The following RTN4 variants were observed in gnomAD, a reference collection of about 807,000 sequenced individuals.
The protein encoded by RTN4 is reticulon 4, also known as reticulon-4.
A neutral mutation model predicts 90.4 loss-of-function variants in RTN4; 32 were observed. The observed-to-expected ratio is 0.35, with a 90% CI of 0.27 to 0.48. The LOEUF is 0.48. Among genes scored for constraint, RTN4 ranks in the 20% least tolerant of loss-of-function variants. RTN4 has a pLI of 0.99. For synonymous variants in RTN4, 629 were observed against 552.5 expected (o/e 1.14, Z -1.94); for missense variants, 1,706 against 1,430.2 (o/e 1.19, Z -3.11).
At chr2:55,086,606 GC>G (rs1366977548) in intron 1 of RTN4, among the ~76,000 whole-genome samples, 1 of 151,974 alleles carries the variant, frequency 6.6e-6, no homozygotes, top group African/African-American at 2.4e-5. Flanking sequence ...CGATTTCGAG[GC>G]TGCAGTGAGC....
intron 1 of RTN4, among the ~76,000 whole-genome samples, chr2:55,091,841 GAGAAAA>G: frequency 3.8e-5 from 1 of 26,368 alleles, no homozygotes; most frequent in East Asian, 1.5e-3. Context: ...GCAGCGGCAA[GAGAAAA>G]ATAAAAAAGA....
rs901265710 is a variant in RTN4, at chr2:54,987,090, A to G, written c.3221+401T>C. 2.6e-5 allele frequency among the ~76,000 whole-genome samples: 4 copies of G among 152,220 alleles called. 1 individual carries two copies. The highest frequency in any genetic ancestry group is 4.1e-4 in the South Asian group (2 of 4,838). ...ATAAAGAAAATACATAAAGAAAAGC[A>G]TAACAGAAAACATCAGCATACTAGA... On this transcript the variant is annotated intron_variant, in intron 4 of 8. Coordinates refer to ENST00000337526, the MANE Select transcript of RTN4 (RefSeq NM_020532.5).
Position 54,982,575 on chromosome 2 carries a change from G to T in RTN4, c.3300C>A (p.Asn1100Lys). 6.2e-7 allele frequency: 1 copy of T among 1,613,798 alleles called. No homozygotes were observed. The highest frequency in any genetic ancestry group is 8.5e-7 in the Non-Finnish European group (1 of 1,179,878). Residue 1100 changes from asparagine to lysine, a missense_variant, in exon 5 of 9, where the codon AAC (asparagine) becomes AAA (lysine). Coordinates refer to ENST00000337526, the MANE Select transcript of RTN4 (RefSeq NM_020532.5). The stretch of plus-strand genomic sequence containing the variant: ...GGCGCCTGAGTTCCTTTATCGTGCA[G>T]TTCACATGACCAAGAGCAGAATTAC... ...KYSNSALGHV[N>K]CTIKELRRLF... is the part of the protein sequence containing the mutation.
intron 2 of RTN4, among the ~76,000 whole-genome samples, chr2:55,061,750 G>A (rs1381418760): frequency 6.6e-6 from 1 of 152,156 alleles, no homozygotes; most frequent in Non-Finnish European, 1.5e-5. Context: ...CAGAAGAGGG[G>A]CAGGGAAGTG....
Position 54,987,647 on chromosome 2 carries a change from C to G in RTN4, c.3065G>C (p.Gly1022Ala), listed in dbSNP as rs769590478. The G allele has an allele frequency of 6.8e-6, 11 of 1,614,004 alleles. No individual in the cohort carries two copies. In the Admixed American group the frequency reaches 1.5e-4, roughly 22 times the overall value. Reference protein sequence around the residue: ...RDIKKTGVVFGASLFLLLSLT... With the variant: ...RDIKKTGVVFAASLFLLLSLT... ...TGAAAGCAGCAGGAATAGGCTGGCA[C>G]CAAACACCACTCCAGTCTTCTTAAT... The change falls in exon 4 of 9, where the codon GGT (glycine) becomes GCT (alanine). Residue 1022 changes from glycine (G) to alanine (A), a missense_variant. Transcript: ENST00000337526.
At chr2:55,018,221 A>T (rs1198547927) in intron 3 of RTN4, among the ~76,000 whole-genome samples, 1 of 152,220 alleles carries the variant, frequency 6.6e-6, no homozygotes, top group Non-Finnish European at 1.5e-5. Flanking sequence ...GTTGGTCAGA[A>T]GATGTTCCAT....
chr2:55,044,841 A>G (rs1683316012), intron 1 of RTN4, among the ~76,000 whole-genome samples: 1 of 150,134 alleles, frequency 6.7e-6, no homozygotes, highest in Non-Finnish European at 1.5e-5. Flanking sequence ...GTTGCCCAGG[A>G]ACCAATCTGA....
rs530101343 is a variant in RTN4 at position 54,973,250 on chromosome 2, A to G, written c.3537-52T>C. 97 of 1,426,262 alleles carry G rather than the reference A, an allele frequency of 6.8e-5. No homozygotes were observed. In the East Asian group the frequency reaches 2.2e-3, roughly 32 times the overall value. The allele number at this position is 1,426,262 out of a possible 1,614,324, so 88.4% of individuals were successfully genotyped here. ...ATCAGTTTTGTTTGCTGCTGCTTAAAATACCATCTTCCAAGAACTACTTGT... is the reference window on the plus strand; with the variant it reads ...ATCAGTTTTGTTTGCTGCTGCTTAAGATACCATCTTCCAAGAACTACTTGT... On this transcript the variant is annotated intron_variant, in intron 8 of 8. Coordinates refer to ENST00000337526, the MANE Select transcript of RTN4 (RefSeq NM_020532.5).
intron 3 of RTN4, among the ~76,000 whole-genome samples, chr2:55,008,329 A>G (rs893177726): frequency 6.7e-6 from 1 of 149,016 alleles, no homozygotes; most frequent in Non-Finnish European, 1.5e-5. Context: ...CTGTCAAACT[A>G]TTTTTTTTTT....
At chr2:55,098,917 C>T (rs1667801205) in intron 1 of RTN4, among the ~76,000 whole-genome samples, 2 of 152,138 alleles carry the variant, frequency 1.3e-5, no homozygotes, top group South Asian at 2.1e-4. Flanking sequence ...GAACAAGAAA[C>T]TTGGTAAGAT....
chr2:55,094,439 TCACTAG>T (rs1414778544), intron 1 of RTN4, among the ~76,000 whole-genome samples: 2 of 152,206 alleles, frequency 1.3e-5, no homozygotes, highest in African/African-American at 4.8e-5. Flanking sequence ...TTCCTGAGCA[TCACTAG>T]CACTCTGGGT....
intron 2 of RTN4, among the ~76,000 whole-genome samples, chr2:55,071,692 T>C (rs1668517875): frequency 1.3e-5 from 2 of 152,058 alleles, no homozygotes; most frequent in South Asian, 4.2e-4. Context: ...CCATAGCCCA[T>C]ACCCTTCACT....
chr2:55,041,698 G>A (rs1683087940), intron 1 of RTN4, among the ~76,000 whole-genome samples: 1 of 151,790 alleles, frequency 6.6e-6, no homozygotes, highest in South Asian at 2.1e-4. Flanking sequence ...AAAACAAACT[G>A]CAAATAAATC....
the RTN4 span, among the ~76,000 whole-genome samples, chr2:55,132,616 A>T: frequency 6.6e-6 from 1 of 152,180 alleles, no homozygotes; most frequent in South Asian, 2.1e-4. Context: ...GTTTGAGACC[A>T]GCCTGGGCAA....
At chr2:55,012,108 T>C (rs1318286982) in intron 3 of RTN4, among the ~76,000 whole-genome samples, 2 of 152,224 alleles carry the variant, frequency 1.3e-5, no homozygotes, top group Non-Finnish European at 2.9e-5. Context: ...TCAAACACTA[T>C]TTTCAAGTCA....
chr2:55,006,712 T>A (rs1162723678), intron 3 of RTN4, among the ~76,000 whole-genome samples: 3 of 152,154 alleles, frequency 2.0e-5, no homozygotes, highest in Non-Finnish European at 2.9e-5. Flanking sequence ...CACCTACTTT[T>A]AAAATTTAAC....
intron 3 of RTN4, among the ~76,000 whole-genome samples, chr2:54,994,235 T>C (rs546613007): frequency 5.9e-5 from 9 of 152,282 alleles, no homozygotes; most frequent in African/African-American, 1.7e-4. Context: ...ACTTAGAAGT[T>C]TGTTCAATCC....
In RTN4 at chr2:54,975,073, T is replaced by C. The variant is rs528565522; in HGVS notation, c.3361-309A>G. Among the ~76,000 whole-genome samples, 3 of 152,342 alleles carry C rather than the reference T, an allele frequency of 2.0e-5. No individual in the cohort carries two copies. In the South Asian group the frequency reaches 6.2e-4, roughly 32 times the overall value. ...GCCCTAACAACATTTACCTTTTAAA[T>C]GGGAAGACTATAAAGGTGTTATGAG... On this transcript the variant is annotated intron_variant, in intron 5 of 8. Transcript: ENST00000337526.
intron 3 of RTN4, among the ~76,000 whole-genome samples, chr2:55,003,687 CTG>C (rs959373122): frequency 1.3e-5 from 2 of 152,194 alleles, no homozygotes; most frequent in African/African-American, 4.8e-5. Context: ...ATTCAACTAA[CTG>C]TGGATGGAAA....
Sources: allele counts gnomAD v4.1 joint callset (sites outside exome capture counted in the v4.1 genomes callset), GRCh38; gene constraint gnomAD v4.1.1; transcripts MANE v1.5; gene names NCBI Gene and HGNC (gene_info 2026-07-23, HGNC 2026-07-21).